The following SLC35F4 variants were observed in gnomAD, a reference collection of about 807,000 sequenced individuals.
The protein encoded by SLC35F4 is solute carrier family 35 member F4.
Under a neutral mutation model 44.2 loss-of-function variants are expected in SLC35F4, and 24 were observed. The ratio of observed to expected loss-of-function variants is 0.54; its 90% CI spans 0.39 to 0.76. SLC35F4 has a LOEUF of 0.76. Ranked by LOEUF, SLC35F4 falls within the 30% of genes least tolerant of loss-of-function variation. SLC35F4 has a pLI of 0.00. For missense variants in SLC35F4, 562 were observed against 586.1 expected, an observed-to-expected ratio of 0.96 and a Z score of 0.42; for synonymous variants, 238 against 223.6, an observed-to-expected ratio of 1.06 and a Z score of -0.57.
chr14:57,901,636 C>A (rs1209937801), intron 1 of SLC35F4, among the ~76,000 whole-genome samples: 4 of 152,158 alleles, frequency 2.6e-5, no homozygotes, highest in Non-Finnish European at 5.9e-5. Flanking sequence ...ACCTATCTAA[C>A]AAACCTGCAC....
intron 1 of SLC35F4, among the ~76,000 whole-genome samples, chr14:57,758,649 G>A (rs938073437): frequency 6.6e-6 from 1 of 151,912 alleles, no homozygotes; most frequent in African/African-American, 2.4e-5. Flanking sequence ...TTTCTTAATG[G>A]ATTTTTCTCT....
At chr14:57,636,990 C>A (rs980785306) in intron 1 of SLC35F4, among the ~76,000 whole-genome samples, 16 of 152,098 alleles carry the variant, frequency 1.1e-4, no homozygotes, top group African/African-American at 3.9e-4. Flanking sequence ...TTAACCACAG[C>A]AGAACCAGTT....
At chr14:57,676,176 T>C (rs1470255822) in intron 1 of SLC35F4, among the ~76,000 whole-genome samples, 1 of 151,974 alleles carries the variant, frequency 6.6e-6, no homozygotes, top group Non-Finnish European at 1.5e-5. Context: ...TTTGCTATTG[T>C]GAATAGTGCT....
rs117577718 is a variant in SLC35F4 at position 57,816,070 on chromosome 14, T to C, written c.103+49653A>G. 1.8e-3 allele frequency among the ~76,000 whole-genome samples: 267 copies of C among 152,288 alleles called. 1 individual carries two copies. Among genetic ancestry groups the C allele is most frequent in the Middle Eastern group, 6.8e-3 (2 of 294 alleles). On this transcript the variant is annotated intron_variant, in intron 1 of 7. Coordinates refer to ENST00000556826, the MANE Select transcript of SLC35F4 (RefSeq NM_001306087.2). ...GGCATTTTCATTTTACCCAGCAACATTGTTCTTTCAAGACACATTTTATAT... is the reference window on the plus strand; with the variant it reads ...GGCATTTTCATTTTACCCAGCAACACTGTTCTTTCAAGACACATTTTATAT...
intron 1 of SLC35F4, among the ~76,000 whole-genome samples, chr14:57,801,837 G>A (rs535732415): frequency 6.6e-6 from 1 of 152,282 alleles, no homozygotes; most frequent in South Asian, 2.1e-4. Flanking sequence ...CATAAAGCAA[G>A]TTCTTAGAGA....
At chr14:57,882,583 T>A (rs1283973645) in intron 1 of SLC35F4, among the ~76,000 whole-genome samples, 1 of 152,158 alleles carries the variant, frequency 6.6e-6, no homozygotes, top group Non-Finnish European at 1.5e-5. Flanking sequence ...CAATCTAGCA[T>A]TATCAGGCCT....
chr14:57,581,316 C>T lies in SLC35F4; in HGVS notation c.705G>A (p.Lys235=). 6.2e-7 allele frequency: 1 copy of T among 1,613,656 alleles called. No individual in the cohort carries two copies. The highest frequency in any genetic ancestry group is 1.3e-5 in the African/African-American group (1 of 75,020). The part of the protein sequence containing the change: ...LTNYLYLLAL[K]KLTATDVSAL... ...CGGAGACATCCGTGGCCGTCAGCTT[C>T]TTTAAAGCCAGTAAATAAAGGTAAT... Residue 235 remains lysine, a synonymous_variant, in exon 4 of 8, where the codon AAG becomes AAA. Coordinates refer to ENST00000556826, the MANE Select transcript of SLC35F4 (RefSeq NM_001306087.2).
chr14:57,636,677 G>A (rs909885218), intron 1 of SLC35F4, among the ~76,000 whole-genome samples: 1 of 151,992 alleles, frequency 6.6e-6, no homozygotes, highest in Non-Finnish European at 1.5e-5. Context: ...GTTAGATGAC[G>A]ATTTCTGCTT....
chr14:57,670,040 C>A (rs1167605132), intron 1 of SLC35F4, among the ~76,000 whole-genome samples: 1 of 152,100 alleles, frequency 6.6e-6, no homozygotes, highest in Non-Finnish European at 1.5e-5. Flanking sequence ...GATTCAACTT[C>A]TTCCTGGTTT....
intron 1 of SLC35F4, among the ~76,000 whole-genome samples, chr14:57,899,814 G>A (rs1406340876): frequency 6.6e-6 from 1 of 152,176 alleles, no homozygotes; most frequent in African/African-American, 2.4e-5. Flanking sequence ...CTTCAAGAAT[G>A]AAGCCGTGGA....
chr14:57,937,564 G>C (rs1232470205), intron 1 of SLC35F4, among the ~76,000 whole-genome samples: 1 of 121,686 alleles, frequency 8.2e-6, no homozygotes, highest in Non-Finnish European at 1.7e-5. Flanking sequence ...GGAAAGAAAA[G>C]AAAAGAAAAG....
intron 1 of SLC35F4, among the ~76,000 whole-genome samples, chr14:57,955,634 T>C (rs1440981486): frequency 1.3e-5 from 2 of 152,192 alleles, no homozygotes; most frequent in South Asian, 2.1e-4. Context: ...CAAGCATTCC[T>C]ATACATCAAT....
At chr14:57,577,671 A>T (rs868688044) in intron 4 of SLC35F4, among the ~76,000 whole-genome samples, 227 of 136,402 alleles carry the variant, frequency 1.7e-3, no homozygotes, top group African/African-American at 4.1e-3. Flanking sequence ...ACCTTTTTTT[A>T]AAAAAAAAAA....
intron 1 of SLC35F4, among the ~76,000 whole-genome samples, chr14:57,919,704 T>C (rs808232): frequency 0.2 from 30,107 of 151,894 alleles, 3,227 homozygotes; most frequent in South Asian, 0.24. Flanking sequence ...CACCAAGCCA[T>C]GAAATAACAG....
chr14:57,630,385 T>C lies in SLC35F4; in HGVS notation c.104-36261A>G, dbSNP rs144689971. The C allele has an allele frequency of 1.7e-4, 112 of 644,402 alleles. 1 individual carries two copies. In the East Asian group the frequency reaches 2.9e-3, roughly 17 times the overall value. The allele number at this position is 644,402 out of a possible 1,614,324, so 39.9% of individuals were successfully genotyped here. ...CACATAGCAGAAGCCATTCCAAATATGATAGATTCAAACACTGAAATTAAT... is the reference window on the plus strand; with the variant it reads ...CACATAGCAGAAGCCATTCCAAATACGATAGATTCAAACACTGAAATTAAT... On this transcript the variant is annotated intron_variant, in intron 1 of 7. Transcript: ENST00000556826.
chr14:57,653,338 A>C (rs748011942), intron 1 of SLC35F4, among the ~76,000 whole-genome samples: 7 of 152,192 alleles, frequency 4.6e-5, no homozygotes, highest in Non-Finnish European at 8.8e-5. Flanking sequence ...ACAACTGACA[A>C]GGGAGACTAT....
intron 1 of SLC35F4, among the ~76,000 whole-genome samples, chr14:57,752,044 T>A (rs1002698120): frequency 6.6e-5 from 10 of 152,122 alleles, no homozygotes; most frequent in African/African-American, 2.4e-4. Flanking sequence ...ACCTTCCTTT[T>A]CCAGGCTCCC....
chr14:57,675,452 C>T (rs971914590), intron 1 of SLC35F4, among the ~76,000 whole-genome samples: 2 of 151,966 alleles, frequency 1.3e-5, no homozygotes, highest in African/African-American at 4.8e-5. Context: ...GATAATATCA[C>T]TGGCAAACGG....
intron 1 of SLC35F4, among the ~76,000 whole-genome samples, chr14:57,712,009 GAGAAAC>G (rs1210698498): frequency 1.3e-5 from 2 of 152,154 alleles, no homozygotes; most frequent in Non-Finnish European, 2.9e-5. Context: ...ACATTACTTA[GAGAAAC>G]AGGTACATAG....
Sources: allele counts gnomAD v4.1 joint callset (sites outside exome capture counted in the v4.1 genomes callset), GRCh38; gene constraint gnomAD v4.1.1; transcripts MANE v1.5; gene names NCBI Gene and HGNC (gene_info 2026-07-23, HGNC 2026-07-21).